POLI: variants seen among roughly 807,000 people sequenced by gnomAD.
POLI encodes the protein RAD30 homolog B.
A neutral mutation model predicts 51.6 loss-of-function variants in POLI; 58 were observed. The ratio of observed to expected loss-of-function variants is 1.12; its 90% CI spans 0.91 to 1.40. The LOEUF is 1.40. POLI is among the 40% of genes most tolerant of loss of function. The pLI, the probability that POLI is intolerant of heterozygous loss-of-function variation, is 0.00. For synonymous variants in POLI, 322 were observed against 299.7 expected, an observed-to-expected ratio of 1.07 and a Z score of -0.77; for missense variants, 921 against 871.3, an observed-to-expected ratio of 1.06 and a Z score of -0.72.
Position 54,274,094 on chromosome 18 carries a change from C to G in POLI, c.406+4C>G, listed in dbSNP as rs1308570338. ...GAAATGTCTTATAAGGTTACAGGTA[C>G]AAATGATAAGCAATGTACTTTTAGC... On this transcript the variant is annotated splice_donor_region_variant and intron_variant, in intron 3 of 9. Transcript: ENST00000579534. 7.2e-7 allele frequency: 1 copy of G among 1,379,952 alleles called. No individual in the cohort carries two copies. The highest frequency in any genetic ancestry group is 2.7e-5 in the Admixed American group (1 of 37,146). The allele number at this position is 1,379,952 out of a possible 1,614,324, so 85.5% of individuals were successfully genotyped here.
chr18:54,293,995 C>G lies in POLI; in HGVS notation c.1751C>G (p.Pro584Arg), dbSNP rs145116015. Residue 584 changes from proline (P) to arginine (R), a missense_variant, in exon 10 of 10, where the codon CCT becomes CGT. Pro to Arg is a moderately radical substitution (Grantham distance 103). Coordinates refer to ENST00000579534, the MANE Select transcript of POLI (RefSeq NM_007195.3). ...KKQMQDIPIN[P>R]RDHLSSSKQV... ...CAAATGCAAGATATTCCCATAAATC[C>G]TAGAGATCATTTATCCAGTAGCAAA... 1.9e-4 allele frequency: 300 copies of G among 1,613,206 alleles called. 1 individual carries two copies. The African/African-American group carries it at 3.4e-3, about 18-fold the overall frequency.
At chr18:54,317,217 T>C (rs895645270) in intron 3 of POLI, among the ~76,000 whole-genome samples, 1 of 152,216 alleles carries the variant, frequency 6.6e-6, no homozygotes, top group Admixed American at 6.5e-5. Context: ...ATGAAATTCA[T>C]GAGGCAGAGC....
chr18:54,280,666 G>C lies in POLI; in HGVS notation c.560-1G>C. 6.3e-7 allele frequency: 1 copy of C among 1,590,864 alleles called. No individual in the cohort carries two copies. The highest frequency in any genetic ancestry group is 1.3e-5 in the African/African-American group (1 of 74,488). On this transcript the variant is annotated splice_acceptor_variant, in intron 4 of 9. Transcript: ENST00000579534. LOFTEE classifies it high-confidence loss of function. ...TTGAATGACATTTGTTGTTTTTAAA[G>C]CTATAAACCTGCTTGACGTCTTGCA...
At chr18:54,277,076 C>T (rs1010224440) in intron 3 of POLI, among the ~76,000 whole-genome samples, 2 of 152,094 alleles carry the variant, frequency 1.3e-5, no homozygotes, top group African/African-American at 2.4e-5. Flanking sequence ...ATCTAGTAAA[C>T]ATTTGACTTG....
At chr18:54,271,676 T>G (rs1272814905) in intron 2 of POLI, among the ~76,000 whole-genome samples, 191 bp downstream of exon 2, 1 of 152,226 alleles carries the variant, frequency 6.6e-6, no homozygotes, top group East Asian at 1.9e-4. Flanking sequence ...AAGTGGTGAA[T>G]CTGAGAATAG....
chr18:54,301,286 A>ACG (rs2088485091), downstream of POLI, among the ~76,000 whole-genome samples: 1 of 152,052 alleles, frequency 6.6e-6, no homozygotes, highest in Non-Finnish European at 1.5e-5. Flanking sequence ...TCACACACAC[A>ACG]CACACACAAA....
chr18:54,287,162 C>A, intron 7 of POLI, 119 bp from the exon 8 acceptor site: 1 of 616,970 alleles, frequency 1.6e-6, no homozygotes, highest in Non-Finnish European at 2.8e-6. Context: ...TTGTTATCTG[C>A]TATATGTATA....
intron 3 of POLI, among the ~76,000 whole-genome samples, chr18:54,303,884 G>T (rs1395697757): frequency 1.3e-5 from 2 of 151,472 alleles, no homozygotes; most frequent in African/African-American, 4.9e-5. Flanking sequence ...TTTACATTAG[G>T]TATTTCTCCT....
At chr18:54,305,929 T>C (rs2088577085) in intron 3 of POLI, among the ~76,000 whole-genome samples, 1 of 152,068 alleles carries the variant, frequency 6.6e-6, no homozygotes, top group Non-Finnish European at 1.5e-5. Context: ...TGGCTAATTT[T>C]TTGTATTTTT....
downstream of POLI, among the ~76,000 whole-genome samples, chr18:54,301,614 C>A (rs1232521556): frequency 6.6e-6 from 1 of 152,160 alleles, no homozygotes; most frequent in Non-Finnish European, 1.5e-5. Context: ...CAATACTCAA[C>A]TGAGGACTTA....
intron 3 of POLI, among the ~76,000 whole-genome samples, chr18:54,275,958 G>A (rs1490278403): frequency 6.6e-6 from 1 of 151,336 alleles, no homozygotes; most frequent in Non-Finnish European, 1.5e-5. Flanking sequence ...TGATGCTACT[G>A]CATATATACC....
In POLI at chr18:54,293,964, A is replaced by G. The variant is rs1216711247; in HGVS notation, c.1720A>G (p.Lys574Glu). The change falls in exon 10 of 10, where the codon AAA becomes GAA. Residue 574 changes from lysine (K) to glutamate (E), a missense_variant. By Grantham distance (56) the Lys-to-Glu change is moderately conservative (BLOSUM62 1). Coordinates refer to ENST00000579534, the MANE Select transcript of POLI (RefSeq NM_007195.3). ...TAGAGGAGTATTATCTTTCTTTTCTAAAAAACAAATGCAAGATATTCCCAT... is the reference window on the plus strand; with the variant it reads ...TAGAGGAGTATTATCTTTCTTTTCTGAAAAACAAATGCAAGATATTCCCAT... ...ASRGVLSFFS[K>E]KQMQDIPINP... The G allele has an allele frequency of 6.2e-7, 1 of 1,612,654 alleles. No homozygotes were observed. The highest frequency in any genetic ancestry group is 8.5e-7 in the Non-Finnish European group (1 of 1,179,066).
In POLI at chr18:54,284,000, A is replaced by G. The variant is rs1394569008; in HGVS notation, c.1054A>G (p.Ser352Gly). ...AAATAAGATTGAAGAACTACTTGCT[A>G]GTCTTTTAAACAGGTGATTTTCAAT... ...AKNKIEELLA[S>G]LLNRVCQDGR... is the part of the protein sequence containing the mutation. Residue 352 changes from serine to glycine, a missense_variant, in exon 7 of 10, where the codon AGT becomes GGT. Ser to Gly is a moderately conservative substitution (Grantham distance 56). Transcript: ENST00000579534. 5 of 1,417,702 alleles carry G rather than the reference A, an allele frequency of 3.5e-6. No homozygotes were observed. Among genetic ancestry groups the G allele is most frequent in the African/African-American group, 2.8e-5 (2 of 70,650 alleles). 87.8% of individuals were successfully genotyped at this position (1,417,702 alleles called of 1,614,324 possible).
chr18:54,313,189 C>T (rs143626012), intron 3 of POLI, among the ~76,000 whole-genome samples: 1 of 152,230 alleles, frequency 6.6e-6, no homozygotes, highest in Non-Finnish European at 1.5e-5. Flanking sequence ...ATCCCAGCAC[C>T]ATGTATTGAA....
chr18:54,277,663 A>G, intron 3 of POLI, 40 bp from the exon 4 acceptor site: 1 of 1,357,464 alleles, frequency 7.4e-7, no homozygotes, highest in South Asian at 1.3e-5. Context: ...CCTAGTTATA[A>G]CTTCATTTAC....
intron 3 of POLI, among the ~76,000 whole-genome samples, chr18:54,275,755 T>C (rs916722503): frequency 5.3e-5 from 8 of 152,222 alleles, no homozygotes; most frequent in African/African-American, 1.9e-4. Flanking sequence ...TGCACCTGTT[T>C]TTAATTTGGG....
In POLI at chr18:54,270,779, CT is replaced by C. The variant is rs1171105332; in HGVS notation, c.116-578del. 4.6e-5 allele frequency: 7 copies of C among 152,188 alleles called. No homozygotes were observed. In the East Asian group the frequency reaches 1.3e-3, roughly 29 times the overall value. The allele number at this position is 152,188 out of a possible 1,614,324, so 9.4% of individuals were successfully genotyped here. On this transcript the variant is annotated intron_variant, in intron 1 of 9. Coordinates refer to ENST00000579534, the MANE Select transcript of POLI (RefSeq NM_007195.3). ...TTTTAAAATCAAAGAACTATTCAGT[CT>C]TTCAATTTAGTGAATATTTATTGGT... is the stretch of plus-strand genomic sequence containing the variant.
chr18:54,305,928 T>A (rs2088577016), intron 3 of POLI, among the ~76,000 whole-genome samples: 1 of 152,136 alleles, frequency 6.6e-6, no homozygotes, highest in African/African-American at 2.4e-5. Flanking sequence ...CTGGCTAATT[T>A]TTTGTATTTT....
chr18:54,277,900 A>T (rs1405857094), intron 4 of POLI, 45 bp downstream of exon 4: 17 of 1,399,362 alleles, frequency 1.2e-5, no homozygotes, highest in Non-Finnish European at 1.6e-5. Flanking sequence ...AAAAGTACAT[A>T]CATTTCTTAA....
Sources: allele counts gnomAD v4.1 joint callset (sites outside exome capture counted in the v4.1 genomes callset), GRCh38; gene constraint gnomAD v4.1.1; transcripts MANE v1.5; gene names NCBI Gene and HGNC (gene_info 2026-07-23, HGNC 2026-07-21).